ENPEP: variants seen among roughly 807,000 people sequenced by gnomAD.
ENPEP encodes the protein AP-A.
A neutral mutation model predicts 114.5 loss-of-function variants in ENPEP; 103 were observed. The ratio of observed to expected loss-of-function variants is 0.90; its 90% CI spans 0.77 to 1.06. The LOEUF is 1.06. Ranked by LOEUF, ENPEP falls within the 50% of genes least tolerant of loss-of-function variation. The probability of loss-of-function intolerance (pLI) is 0.00; values close to 1 mark genes in which losing one functional copy is unlikely to be tolerated. For missense variants in ENPEP, 1,196 were observed against 1,161.3 expected (o/e 1.03, Z -0.43); for synonymous variants, 420 against 422.0 (o/e 1.00, Z 0.06).
At chr4:110,491,187 A>C in intron 3 of ENPEP, 23 bp downstream of exon 3, 1 of 1,575,430 alleles carries the variant, frequency 6.3e-7, no homozygotes, top group African/African-American at 1.4e-5. Flanking sequence ...ATATTTTAAA[A>C]ATTTACCACC....
At chr4:110,509,432 C>T (rs1237302927) in intron 4 of ENPEP, among the ~76,000 whole-genome samples, 1 of 152,088 alleles carries the variant, frequency 6.6e-6, no homozygotes. Context: ...TTCTTTAAAA[C>T]AAAAACAAAG....
At chr4:110,487,759 T>C (rs1255612760) in intron 1 of ENPEP, among the ~76,000 whole-genome samples, 1 of 152,032 alleles carries the variant, frequency 6.6e-6, no homozygotes, top group Non-Finnish European at 1.5e-5. Flanking sequence ...TCTTTTACTG[T>C]AATATGTTTA....
chr4:110,544,602 T>A, intron 13 of ENPEP, among the ~76,000 whole-genome samples: 1 of 152,212 alleles, frequency 6.6e-6, no homozygotes, highest in East Asian at 1.9e-4. Flanking sequence ...AATAAGATGA[T>A]CAATAAGTAT....
chr4:110,525,885 G>C (rs1283578967), intron 10 of ENPEP, among the ~76,000 whole-genome samples: 1 of 152,214 alleles, frequency 6.6e-6, no homozygotes, highest in Non-Finnish European at 1.5e-5. Flanking sequence ...AGGAGGTGGA[G>C]TAGGGCAGGG....
intron 11 of ENPEP, among the ~76,000 whole-genome samples, chr4:110,540,214 TG>T (rs984990874): frequency 3.9e-5 from 6 of 152,100 alleles, no homozygotes; most frequent in African/African-American, 1.4e-4. Flanking sequence ...TAATTTCAAA[TG>T]AAAAAGGATT....
At position 110,496,354 on chromosome 4, in the gene ENPEP, ACTT is replaced by A. The variant is rs536572750; in HGVS notation, c.918+5194_918+5196del. ...TTAATGCTCAGAGATATATTTTTAA[ACTT>A]CTTATTTTGAAATAATTTTAGATTT... is the stretch of plus-strand genomic sequence containing the variant. On this transcript the variant is annotated intron_variant, in intron 3 of 19. Coordinates refer to ENST00000265162, the MANE Select transcript of ENPEP (RefSeq NM_001977.4). 1.5e-4 allele frequency among the ~76,000 whole-genome samples: 23 copies of A among 152,284 alleles called. No individual in the cohort carries two copies. The South Asian group carries it at 3.3e-3, about 22-fold the overall frequency.
At chr4:110,493,002 A>G (rs953816440) in intron 3 of ENPEP, among the ~76,000 whole-genome samples, 18 of 152,240 alleles carry the variant, frequency 1.2e-4, no homozygotes, top group Admixed American at 3.3e-4. Context: ...CAATTGTACT[A>G]AAGATGACAA....
In ENPEP at chr4:110,482,146, C is replaced by A. The variant is rs139102954; in HGVS notation, c.644+5088C>A. Among the ~76,000 whole-genome samples the A allele has an allele frequency of 2.1e-3, 315 of 152,224 alleles. 1 individual carries two copies. The highest frequency in any genetic ancestry group is 7.2e-3 in the African/African-American group (297 of 41,530). On this transcript the variant is annotated intron_variant, in intron 1 of 19. Transcript: ENST00000265162. Reference sequence around the variant, plus strand: ...CAAAAGAAAGAGTTAACTCAACCATCCACTTGGATATATGAAAGATATTGC... The same window carrying A: ...CAAAAGAAAGAGTTAACTCAACCATACACTTGGATATATGAAAGATATTGC...
intron 10 of ENPEP, among the ~76,000 whole-genome samples, chr4:110,529,050 C>CTTA (rs1233530449): frequency 1.3e-5 from 2 of 152,160 alleles, no homozygotes; most frequent in Non-Finnish European, 2.9e-5. Context: ...TTATGATACT[C>CTTA]TTAAAGACCT....
At chr4:110,477,671 C>G (rs1159274820) in intron 1 of ENPEP, among the ~76,000 whole-genome samples, 1 of 152,078 alleles carries the variant, frequency 6.6e-6, no homozygotes, top group Non-Finnish European at 1.5e-5. Flanking sequence ...CATAGGCTTT[C>G]AGGAAATATT....
chr4:110,525,508 C>G (rs1726163147), intron 10 of ENPEP, among the ~76,000 whole-genome samples: 1 of 152,226 alleles, frequency 6.6e-6, no homozygotes, highest in African/African-American at 2.4e-5. Context: ...GTCCTCTAAT[C>G]TCCACTGCCT....
intron 11 of ENPEP, among the ~76,000 whole-genome samples, chr4:110,534,055 G>C (rs770120517): frequency 4.6e-5 from 7 of 152,106 alleles, no homozygotes; most frequent in Non-Finnish European, 1.0e-4. Flanking sequence ...ATAAGTTCCT[G>C]TTTCCTGTTT....
chr4:110,524,913 C>T (rs1726138844), intron 10 of ENPEP, among the ~76,000 whole-genome samples: 1 of 152,162 alleles, frequency 6.6e-6, no homozygotes, highest in South Asian at 2.1e-4. Flanking sequence ...TGCTCACCAA[C>T]ATGCCCAGCT....
chr4:110,546,383 T>A (rs1388172429), intron 13 of ENPEP, among the ~76,000 whole-genome samples: 2 of 151,874 alleles, frequency 1.3e-5, no homozygotes, highest in Non-Finnish European at 2.9e-5. Flanking sequence ...TTACTTTATA[T>A]TGTCCTCTTC....
At chr4:110,500,898 G>C (rs976137099) in intron 3 of ENPEP, among the ~76,000 whole-genome samples, 2 of 152,158 alleles carry the variant, frequency 1.3e-5, no homozygotes, top group Non-Finnish European at 2.9e-5. Flanking sequence ...AGAGGAGAAG[G>C]AGATGCAGAT....
intron 14 of ENPEP, among the ~76,000 whole-genome samples, 179 bp downstream of exon 14, chr4:110,548,505 A>G (rs1727165407): frequency 6.6e-6 from 1 of 151,982 alleles, no homozygotes; most frequent in Admixed American, 6.6e-5. Flanking sequence ...TTCTTTTTCA[A>G]TTTGAAGTAC....
intron 4 of ENPEP, among the ~76,000 whole-genome samples, chr4:110,509,097 G>C (rs1187650796): frequency 6.6e-6 from 1 of 152,138 alleles, no homozygotes; most frequent in African/African-American, 2.4e-5. Context: ...TTTTAGAACT[G>C]TAAGGGAATC....
chr4:110,491,718 C>CTTTTTTTT (rs970695793), intron 3 of ENPEP, among the ~76,000 whole-genome samples: 39 of 66,038 alleles, frequency 5.9e-4, no homozygotes, highest in Non-Finnish European at 8.1e-4. Context: ...TTCTTTCTTT[C>CTTTTTTTT]TTTTTTTTTT....
At chr4:110,486,952 T>C (rs1203157016) in intron 1 of ENPEP, among the ~76,000 whole-genome samples, 2 of 152,086 alleles carry the variant, frequency 1.3e-5, no homozygotes, top group African/African-American at 4.8e-5. Flanking sequence ...TGGGGAGTGC[T>C]GATTGGTCAA....
Sources: allele counts gnomAD v4.1 joint callset (sites outside exome capture counted in the v4.1 genomes callset), GRCh38; gene constraint gnomAD v4.1.1; transcripts MANE v1.5; gene names NCBI Gene and HGNC (gene_info 2026-07-23, HGNC 2026-07-21).